Variants in ATM observed in about 807,000 individuals in gnomAD.
ATM encodes serine-protein kinase ATM.
A neutral mutation model predicts 387.0 loss-of-function variants in ATM; 308 were observed. That is an observed-to-expected ratio of 0.80 (90% CI 0.73 to 0.87). ATM has a LOEUF of 0.87. Among genes scored for constraint, ATM ranks in the 40% least tolerant of loss-of-function variants. The probability of loss-of-function intolerance (pLI) is 0.00; values close to 1 mark genes in which losing one functional copy is unlikely to be tolerated. For missense variants in ATM, 3,312 were observed against 3,560.9 expected, an observed-to-expected ratio of 0.93 and a Z score of 1.78; for synonymous variants, 1,156 against 1,187.3, an observed-to-expected ratio of 0.97 and a Z score of 0.54.
chr11:108,256,194 T>G (rs1166516524), intron 13 of ATM, 21 bp from the exon 14 acceptor site: 2 of 1,560,004 alleles, frequency 1.3e-6, no homozygotes, highest in Non-Finnish European at 1.7e-6. Context: ...ATATATATTT[T>G]TATTTGTGGT....
chr11:108,353,391 A>C (rs1489624815), intron 59 of ATM, among the ~76,000 whole-genome samples: 1 of 152,098 alleles, frequency 6.6e-6, no homozygotes, highest in Admixed American at 6.6e-5. Flanking sequence ...CTCAGGTGTC[A>C]GGCCTCCTCA....
At position 108,333,908 on chromosome 11, in the gene ATM, C is replaced by T. The variant is rs1060504298; in HGVS notation, c.7950C>T (p.Asp2650=). 6.2e-7 allele frequency: 1 copy of T among 1,610,688 alleles called. No individual in the cohort carries two copies. Among genetic ancestry groups the T allele is most frequent in the Non-Finnish European group, 8.5e-7 (1 of 1,176,934 alleles). The change falls in exon 54 of 63, where the codon GAC becomes GAT. Residue 2650 remains aspartate, a synonymous_variant. Transcript: ENST00000675843. ...TQRKGINIPA[D]QPITKLKNLE... ...CAGAAGGCATAAATATTCCAGCAGA[C>T]CAGCCAATTACTAAACTTAAGAATT...
chr11:108,350,020 T>G (rs1304269943), intron 59 of ATM, among the ~76,000 whole-genome samples: 1 of 152,104 alleles, frequency 6.6e-6, no homozygotes, highest in Admixed American at 6.6e-5. Flanking sequence ...GCATGCTCAT[T>G]TGCTAAGAAT....
At chr11:108,342,422 A>G (rs369925097) in intron 56 of ATM, among the ~76,000 whole-genome samples, 1 of 152,222 alleles carries the variant, frequency 6.6e-6, no homozygotes, top group South Asian at 2.1e-4. Context: ...AAATATACAT[A>G]TAGTATCCTA....
chr11:108,362,730 A>G lies in ATM; in HGVS notation c.8851-2352A>G, dbSNP rs1418529427. ...AACCAAACACCGCATATTCTCACTC[A>G]TAGGTGGGAATTGAACAATGAGAAC... is the stretch of plus-strand genomic sequence containing the variant. On this transcript the variant is annotated intron_variant, in intron 61 of 62. Transcript: ENST00000675843. 2.8e-5 allele frequency among the ~76,000 whole-genome samples: 4 copies of G among 140,916 alleles called. No homozygotes were observed. The South Asian group carries it at 9.7e-4, about 34-fold the overall frequency. The allele number at this position is 140,916 out of a possible 152,430, so 92.4% of individuals were successfully genotyped here. A position where few individuals can be genotyped will look rare whatever the true frequency, so the allele number is the denominator to read the frequency against.
In ATM at chr11:108,289,701, G is replaced by T. The variant is rs1060501658; in HGVS notation, c.4336G>T (p.Val1446Phe). Residue 1446 changes from valine (V) to phenylalanine (F), a missense_variant, in exon 29 of 63, where the codon GTT (valine) becomes TTT (phenylalanine). Physicochemically the swap from Val to Phe is conservative, Grantham distance 50. Around this residue, in one of 4 missense-constraint regions of ATM, gnomAD observed 1,791 missense variants for 1,804.5 expected, o/e 0.99. Coordinates refer to ENST00000675843, the MANE Select transcript of ATM (RefSeq NM_000051.4). ...AATTCTTAAAATATATCACCTGTTT[G>T]TTAGTTTATTACTGAAAGATATAAA... Reference protein sequence around the residue: ...HRILKIYHLFVSLLLKDIKSG... With the variant: ...HRILKIYHLFFSLLLKDIKSG... 1 of 1,613,620 alleles carries T rather than the reference G, an allele frequency of 6.2e-7. No individual in the cohort carries two copies. Among genetic ancestry groups the T allele is most frequent in the Non-Finnish European group, 8.5e-7 (1 of 1,179,844 alleles).
chr11:108,300,796 A>G (rs1325068557), intron 34 of ATM, among the ~76,000 whole-genome samples: 1 of 151,316 alleles, frequency 6.6e-6, no homozygotes, highest in Non-Finnish European at 1.5e-5. Context: ...ATCATATAGT[A>G]TCTATATTTT....
At chr11:108,279,431 G>A (rs1002031526) in intron 22 of ATM, 60 bp from the exon 23 acceptor site, 1 of 1,195,006 alleles carries the variant, frequency 8.4e-7, no homozygotes, top group African/African-American at 1.5e-5. Flanking sequence ...TTGGAAAGTA[G>A]GGTTTGAAAT....
chr11:108,261,989 G>C (rs2080920371), intron 16 of ATM, among the ~76,000 whole-genome samples: 1 of 152,188 alleles, frequency 6.6e-6, no homozygotes, highest in South Asian at 2.1e-4. Context: ...TATGGGAAAA[G>C]ACCAAATCTA....
intron 18 of ATM, 96 bp downstream of exon 18, chr11:108,268,705 A>C (rs1270371486): frequency 8.8e-5 from 119 of 1,355,894 alleles, no homozygotes; most frequent in Non-Finnish European, 1.2e-4. Context: ...GTGTCTTTGA[A>C]GAATTGAAAT....
intron 24 of ATM, 114 bp downstream of exon 24, chr11:108,281,282 AT>A: frequency 9.1e-7 from 1 of 1,097,052 alleles, no homozygotes; most frequent in Non-Finnish European, 1.4e-6. Context: ...AAACAATTTT[AT>A]TTTTTAGGTT....
intron 32 of ATM, 195 bp downstream of exon 32, chr11:108,295,254 A>G: frequency 3.1e-6 from 2 of 642,854 alleles, no homozygotes; most frequent in East Asian, 6.0e-5. Context: ...TGTTTTATTC[A>G]TCCTCTGCCA....
chr11:108,293,502 A>AT (rs1565463514), intron 31 of ATM, 25 bp downstream of exon 31: 1 of 1,569,742 alleles, frequency 6.4e-7, no homozygotes, highest in Non-Finnish European at 8.8e-7. Flanking sequence ...ATCATCTACT[A>AT]TTTTTTATTA....
intron 46 of ATM, among the ~76,000 whole-genome samples, 193 bp from the exon 47 acceptor site, chr11:108,325,865 G>GAGAC (rs990484566): frequency 6.6e-6 from 1 of 152,212 alleles, no homozygotes. Context: ...CATATAGAGA[G>GAGAC]AGACAGACAG....
intron 22 of ATM, 113 bp downstream of exon 22, chr11:108,272,965 A>G: frequency 1.5e-6 from 2 of 1,322,292 alleles, no homozygotes; most frequent in Admixed American, 3.4e-5. Flanking sequence ...CTTGTTGAGT[A>G]TATACGGTGT....
At chr11:108,307,693 C>T (rs1230459595) in intron 37 of ATM, among the ~76,000 whole-genome samples, 1 of 152,120 alleles carries the variant, frequency 6.6e-6, no homozygotes, top group Non-Finnish European at 1.5e-5. Context: ...ATATAAATTA[C>T]AATGTAAGTT....
rs1555070781 is a variant in ATM at position 108,250,808 on chromosome 11, A to G, written c.1343A>G (p.His448Arg). 1 of 1,613,966 alleles carries G rather than the reference A, an allele frequency of 6.2e-7. No individual in the cohort carries two copies. The highest frequency in any genetic ancestry group is 8.5e-7 in the Non-Finnish European group (1 of 1,180,026). Reference sequence around the variant, plus strand: ...TCTCAGCTTCTACCCCAACAGCGACATGGGGAACGTACACCATATGTGTTA... The same window carrying G: ...TCTCAGCTTCTACCCCAACAGCGACGTGGGGAACGTACACCATATGTGTTA... The part of the protein sequence containing the change: ...ILSQLLPQQR[H>R]GERTPYVLRC... Residue 448 changes from histidine to arginine, a missense_variant, in exon 10 of 63, where the codon CAT becomes CGT. This residue lies in a region of ATM where 1,791 missense variants were observed against 1,804.5 expected (regional missense o/e 0.99). Coordinates refer to ENST00000675843, the MANE Select transcript of ATM (RefSeq NM_000051.4).
At chr11:108,357,255 A>G (rs2090084619) in intron 61 of ATM, among the ~76,000 whole-genome samples, 1 of 152,154 alleles carries the variant, frequency 6.6e-6, no homozygotes, top group South Asian at 2.1e-4. Flanking sequence ...AAAACGGCGC[A>G]CCACGAGATT....
At chr11:108,341,823 C>G (rs2087613764) in intron 56 of ATM, among the ~76,000 whole-genome samples, 1 of 152,114 alleles carries the variant, frequency 6.6e-6, no homozygotes, top group Non-Finnish European at 1.5e-5. Context: ...TATAAAAAGC[C>G]TGACAATATT....
Sources: gnomAD v4.1 joint callset for allele counts (sites outside exome capture counted in the v4.1 genomes callset) on GRCh38, gnomAD v4.1.1 for gene constraint, gnomAD v4.1.1 regional missense constraint, MANE v1.5 for transcripts, NCBI Gene and HGNC (gene_info 2026-07-23, HGNC 2026-07-21) for gene names.